The following EPM2A variants were observed in gnomAD, a reference collection of about 807,000 sequenced individuals.
EPM2A encodes laforin.
Under a neutral mutation model 26.5 loss-of-function variants are expected in EPM2A, and 21 were observed. The observed-to-expected ratio is 0.79, with a 90% confidence interval of 0.56 to 1.14. EPM2A has a LOEUF of 1.14. Ranked by LOEUF, EPM2A falls within the 50% of genes most tolerant of loss-of-function variation. EPM2A has a pLI of 0.00. For synonymous variants in EPM2A, 217 were observed against 177.6 expected, an observed-to-expected ratio of 1.22 and a Z score of -1.76; for missense variants, 458 against 440.8, an observed-to-expected ratio of 1.04 and a Z score of -0.35.
intron 1 of EPM2A, among the ~76,000 whole-genome samples, chr6:145,730,985 C>T (rs1192039141): frequency 6.6e-6 from 1 of 152,026 alleles, no homozygotes; most frequent in Non-Finnish European, 1.5e-5. Context: ...AAAGGGTTTC[C>T]TGGAAAGGAC....
chr6:145,539,764 G>C (rs1051184607), intron 2 of EPM2A, among the ~76,000 whole-genome samples: 6 of 151,920 alleles, frequency 3.9e-5, no homozygotes, highest in Non-Finnish European at 7.4e-5. Flanking sequence ...TTGATGTATG[G>C]GGTCTTGCTG....
At chr6:145,417,410 T>C (rs1425234681) in intron 4 of EPM2A, among the ~76,000 whole-genome samples, 1 of 152,214 alleles carries the variant, frequency 6.6e-6, no homozygotes, top group Non-Finnish European at 1.5e-5. Context: ...GTCACTTTTC[T>C]TCCATTTTAT....
At chr6:145,735,540 G>C (rs1449011221), upstream of EPM2A, 4 of 1,158,862 alleles carry the variant, frequency 3.5e-6, no homozygotes, top group Non-Finnish European at 4.2e-6. Flanking sequence ...CGGAGTCCCC[G>C]CGGCCGGCAG....
intron 4 of EPM2A, among the ~76,000 whole-genome samples, chr6:145,403,710 A>T (rs1778528133): frequency 1.3e-5 from 2 of 152,144 alleles, no homozygotes; most frequent in South Asian, 4.1e-4. Flanking sequence ...TATTATAAAC[A>T]GTGTTGCAAC....
At chr6:145,488,135 T>C (rs1317424757) in intron 4 of EPM2A, among the ~76,000 whole-genome samples, 1 of 152,054 alleles carries the variant, frequency 6.6e-6, no homozygotes, top group Non-Finnish European at 1.5e-5. Context: ...TGTAGGTCTG[T>C]GGTCTTATTT....
chr6:145,526,303 C>G (rs1411416956), intron 2 of EPM2A, among the ~76,000 whole-genome samples: 1 of 151,958 alleles, frequency 6.6e-6, no homozygotes, highest in African/African-American at 2.4e-5. Flanking sequence ...TGGCTCCATA[C>G]AGTAAGTTGC....
chr6:145,383,539 C>A (rs571784141), exon 5 of EPM2A: 1 of 152,204 alleles, frequency 6.6e-6, no homozygotes, highest in South Asian at 2.1e-4. Context: ...TTTTAAACAA[C>A]CAGATCTTGT....
chr6:145,538,761 G>C (rs527762083), intron 2 of EPM2A, among the ~76,000 whole-genome samples: 1 of 152,332 alleles, frequency 6.6e-6, no homozygotes, highest in Non-Finnish European at 1.5e-5. Flanking sequence ...TTTAGCCAGT[G>C]AATGGTAGCC....
chr6:145,579,147 T>TATAATA (rs61508971), intron 2 of EPM2A, among the ~76,000 whole-genome samples: 70 of 150,778 alleles, frequency 4.6e-4, no homozygotes, highest in Middle Eastern at 6.8e-3. Context: ...AACTTAAAAG[T>TATAATA]ATAATAATAA....
At chr6:145,454,810 T>C (rs1779239149) in intron 4 of EPM2A, among the ~76,000 whole-genome samples, 1 of 152,160 alleles carries the variant, frequency 6.6e-6, no homozygotes, top group Non-Finnish European at 1.5e-5. Flanking sequence ...TTCATGAAAA[T>C]TGATCCCATG....
At chr6:145,383,857 G>T (rs1349538692) in exon 5 of EPM2A, 2 of 152,150 alleles carry the variant, frequency 1.3e-5, no homozygotes, top group Admixed American at 1.3e-4. Context: ...TTCTGAAAAT[G>T]CTTTTCAGCT....
At chr6:145,714,989 A>G (rs1436005442) in intron 1 of EPM2A, among the ~76,000 whole-genome samples, 1 of 152,184 alleles carries the variant, frequency 6.6e-6, no homozygotes, top group Non-Finnish European at 1.5e-5. Context: ...GATGGGTTAT[A>G]TCAAGGAACA....
intron 4 of EPM2A, among the ~76,000 whole-genome samples, chr6:145,402,926 A>T (rs1778513077): frequency 6.6e-6 from 1 of 152,196 alleles, no homozygotes; most frequent in African/African-American, 2.4e-5. Context: ...GTGCATTTGC[A>T]ATTTTAATGC....
chr6:145,613,160 T>C (rs1409403153), intron 2 of EPM2A, among the ~76,000 whole-genome samples: 2 of 152,248 alleles, frequency 1.3e-5, no homozygotes, highest in Non-Finnish European at 2.9e-5. Flanking sequence ...TTCCACAATG[T>C]TCACGGCATC....
intron 4 of EPM2A, among the ~76,000 whole-genome samples, chr6:145,436,448 C>A (rs1345908878): frequency 1.3e-5 from 2 of 152,180 alleles, no homozygotes. Flanking sequence ...CTACCATTTA[C>A]ATTTCCACCA....
chr6:145,721,373 G>C (rs1775940274), intron 1 of EPM2A: 1 of 152,182 alleles, frequency 6.6e-6, no homozygotes, highest in African/African-American at 2.4e-5. Flanking sequence ...GCCAGCATCA[G>C]AGCAAAAAAC....
chr6:145,393,235 A>G (rs1486264494), intron 4 of EPM2A, among the ~76,000 whole-genome samples: 1 of 152,158 alleles, frequency 6.6e-6, no homozygotes, highest in Non-Finnish European at 1.5e-5. Flanking sequence ...AGTAGCTAAG[A>G]CACTCATTAC....
chr6:145,638,515 T>A (rs2128566351), intron 2 of EPM2A: 1 of 152,302 alleles, frequency 6.6e-6, no homozygotes, highest in South Asian at 2.1e-4. Context: ...ACATAACATT[T>A]CTGATGGAAA....
intron 2 of EPM2A, among the ~76,000 whole-genome samples, chr6:145,504,916 T>TA (rs149760658): frequency 0.21 from 7,540 of 36,574 alleles, 766 homozygotes; most frequent in Middle Eastern, 0.34. Flanking sequence ...TATGCAGCCA[T>TA]AAAAAATGAT....
Sources: gnomAD v4.1 joint callset for allele counts (sites outside exome capture counted in the v4.1 genomes callset) on GRCh38, gnomAD v4.1.1 for gene constraint, MANE v1.5 for transcripts, NCBI Gene and HGNC (gene_info 2026-07-23, HGNC 2026-07-21) for gene names.